Variants in SAP30BP observed in about 807,000 individuals in gnomAD.
SAP30BP encodes the protein SAP30 binding protein, also known as SAP30-binding protein.
Under a neutral mutation model 46.3 loss-of-function variants are expected in SAP30BP, and 31 were observed. That is an observed-to-expected ratio of 0.67 (90% CI 0.50 to 0.90). The LOEUF (loss-of-function observed/expected upper bound fraction) is 0.90, where lower values mean the gene tolerates loss of function less well. SAP30BP is among the 40% of genes least tolerant of loss of function. The pLI, the probability that SAP30BP is intolerant of heterozygous loss-of-function variation, is 0.00. For synonymous variants in SAP30BP, 169 were observed against 144.2 expected, an observed-to-expected ratio of 1.17 and a Z score of -1.23; for missense variants, 312 against 391.0, an observed-to-expected ratio of 0.80 and a Z score of 1.70.
chr17:75,668,982 C>T (rs1197740621), intron 2 of SAP30BP, among the ~76,000 whole-genome samples: 1 of 152,096 alleles, frequency 6.6e-6, no homozygotes, highest in Non-Finnish European at 1.5e-5. Context: ...ACAGTCAACT[C>T]TGCATTATTT....
At chr17:75,673,181 G>A (rs2059932324) in intron 3 of SAP30BP, among the ~76,000 whole-genome samples, 1 of 152,092 alleles carries the variant, frequency 6.6e-6, no homozygotes, top group Non-Finnish European at 1.5e-5. Context: ...ATAAGAGTGT[G>A]TTTTACCAGG....
intron 6 of SAP30BP, chr17:75,702,832 G>C (rs2060434022): frequency 5.8e-6 from 2 of 346,636 alleles, no homozygotes; most frequent in Non-Finnish European, 1.1e-5. Context: ...TCTCGTCCCT[G>C]CTCTGAGCCT....
chr17:75,688,949 C>G (rs1335963368), intron 3 of SAP30BP, among the ~76,000 whole-genome samples: 1 of 152,058 alleles, frequency 6.6e-6, no homozygotes, highest in East Asian at 1.9e-4. Context: ...GGGACAGCGC[C>G]CAGTGTGCCG....
intron 8 of SAP30BP, 77 bp from the exon 9 acceptor site, chr17:75,704,679 G>A (rs548850147): frequency 2.6e-5 from 28 of 1,072,750 alleles, no homozygotes; most frequent in East Asian, 7.1e-5. Flanking sequence ...TGAAAAGAAC[G>A]CAGGGATCAG....
chr17:75,706,428 G>A lies in SAP30BP; in HGVS notation c.834G>A (p.Leu278=). The A allele has an allele frequency of 3.1e-6, 5 of 1,614,132 alleles. No individual in the cohort carries two copies. Among genetic ancestry groups the A allele is most frequent in the Non-Finnish European group, 4.2e-6 (5 of 1,180,020 alleles). Reference sequence around the variant, plus strand: ...CCATCCTCACCACCACAGCCACCCTGCCAGCTGTTGTCACGGTCACCACCA... The same window carrying A: ...CCATCCTCACCACCACAGCCACCCTACCAGCTGTTGTCACGGTCACCACCA... ...QPTILTTTAT[L]PAVVTVTTSA... is the part of the protein sequence containing the mutation. The change falls in exon 11 of 11, where the codon CTG becomes CTA. Residue 278 remains leucine, a synonymous_variant. Coordinates refer to ENST00000584667, the MANE Select transcript of SAP30BP (RefSeq NM_013260.8). This position sits in a 1 kb window ranked among gnomAD's most constrained non-coding sequence, Gnocchi z 4.6.
chr17:75,674,364 G>A (rs1298548307), intron 3 of SAP30BP, among the ~76,000 whole-genome samples: 1 of 151,744 alleles, frequency 6.6e-6, no homozygotes, highest in Non-Finnish European at 1.5e-5. Context: ...CTGTGATCTC[G>A]GCTCAGTGCA....
intron 5 of SAP30BP, among the ~76,000 whole-genome samples, chr17:75,702,154 C>T (rs1200830611): frequency 6.6e-6 from 1 of 152,192 alleles, no homozygotes; most frequent in Non-Finnish European, 1.5e-5. Context: ...TCCCAAGTAG[C>T]TGGGACTACA....
rs889187676 is a variant in SAP30BP, at chr17:75,668,453, C to T, written c.107-63C>T. 3.8e-6 allele frequency: 4 copies of T among 1,040,712 alleles called. No homozygotes were observed. In the African/African-American group the frequency reaches 5.0e-5, roughly 13 times the overall value. 64.5% of individuals were successfully genotyped at this position (1,040,712 alleles called of 1,614,324 possible). On this transcript the variant is annotated intron_variant, in intron 1 of 10. Coordinates refer to ENST00000584667, the MANE Select transcript of SAP30BP (RefSeq NM_013260.8). ...TCAAATCTCTGGACATTTTTTCTTA[C>T]ATTGTAACTCTTGTTTTTTTTTTCT...
intron 6 of SAP30BP, 197 bp from the exon 7 acceptor site, chr17:75,703,113 AC>A (rs1274177619): frequency 3.4e-6 from 2 of 590,754 alleles, no homozygotes; most frequent in Non-Finnish European, 6.1e-6. Flanking sequence ...CGTCACCTTG[AC>A]CCTGTGCTCC....
chr17:75,688,737 A>G (rs2060198374), intron 3 of SAP30BP, among the ~76,000 whole-genome samples: 1 of 151,976 alleles, frequency 6.6e-6, no homozygotes, highest in Admixed American at 6.6e-5. Flanking sequence ...GTGGGTCTAT[A>G]TTGTTGTTAC....
At chr17:75,684,023 C>T (rs1181340829) in intron 3 of SAP30BP, 1 of 152,234 alleles carries the variant, frequency 6.6e-6, no homozygotes, top group Non-Finnish European at 1.5e-5. Flanking sequence ...TCTTGGTCTT[C>T]ACTGTTGGCT....
intron 3 of SAP30BP, 111 bp downstream of exon 3, chr17:75,671,974 G>C: frequency 1.1e-6 from 1 of 873,608 alleles, no homozygotes; most frequent in Non-Finnish European, 2.0e-6. Flanking sequence ...CTGTGCAACT[G>C]TGTGGACATT....
rs1489922575 is a variant in SAP30BP at position 75,680,185 on chromosome 17, A to G, written c.264+8322A>G. Among the ~76,000 whole-genome samples, 3 of 152,082 alleles carry G rather than the reference A, an allele frequency of 2.0e-5. No homozygotes were observed. The East Asian group carries it at 5.8e-4, about 29-fold the overall frequency. ...GAAAAGATCTAGATCTCACGCTCTG[A>G]TCTAGGAAAAGAATCCTCCCAGCCC... is the stretch of plus-strand genomic sequence containing the variant. On this transcript the variant is annotated intron_variant, in intron 3 of 10. Transcript: ENST00000584667.
chr17:75,687,071 G>A (rs560857156), intron 3 of SAP30BP, among the ~76,000 whole-genome samples: 1 of 152,298 alleles, frequency 6.6e-6, no homozygotes, highest in East Asian at 1.9e-4. Flanking sequence ...TGAAGCAGCT[G>A]TATTGCCTGA....
intron 3 of SAP30BP, among the ~76,000 whole-genome samples, chr17:75,688,132 G>A (rs2060189389): frequency 6.6e-6 from 1 of 152,208 alleles, no homozygotes; most frequent in Non-Finnish European, 1.5e-5. Flanking sequence ...GGCTTTCTAG[G>A]CAGGAGTGGG....
chr17:75,671,949 T>A, intron 3 of SAP30BP, 86 bp downstream of exon 3: 1 of 1,075,994 alleles, frequency 9.3e-7, no homozygotes, highest in Non-Finnish European at 1.5e-6. Context: ...GGTCAAGATC[T>A]GTCCCACTGA....
At chr17:75,686,544 A>G (rs2060160313) in intron 3 of SAP30BP, among the ~76,000 whole-genome samples, 1 of 151,352 alleles carries the variant, frequency 6.6e-6, no homozygotes, top group Admixed American at 6.6e-5. Context: ...AAGAAAGAAA[A>G]AAAGAAACCT....
intron 3 of SAP30BP, chr17:75,693,103 A>AC (rs1461470995): frequency 4.2e-6 from 1 of 240,712 alleles, no homozygotes; most frequent in Non-Finnish European, 8.2e-6. Flanking sequence ...GCTTCCTCAG[A>AC]CCCAGGGGAG....
Position 75,678,663 on chromosome 17 carries a change from C to T in SAP30BP, c.264+6800C>T, listed in dbSNP as rs540168261. 3.9e-5 allele frequency among the ~76,000 whole-genome samples: 6 copies of T among 152,180 alleles called. No individual in the cohort carries two copies. In the East Asian group the frequency reaches 7.7e-4, roughly 20 times the overall value. ...AGGCTGGTCATACCATGTTGTCGGC[C>T]GGTTTTGGAAGAGCAGATTCCATGT... On this transcript the variant is annotated intron_variant, in intron 3 of 10. Transcript: ENST00000584667.
Sources: allele counts gnomAD v4.1 joint callset (sites outside exome capture counted in the v4.1 genomes callset), GRCh38; gene constraint gnomAD v4.1.1; non-coding constraint Gnocchi (gnomAD v3.1); transcripts MANE v1.5; gene names NCBI Gene and HGNC (gene_info 2026-07-23, HGNC 2026-07-21).